GLRA1: variants seen among roughly 807,000 people sequenced by gnomAD.
GLRA1 encodes glycine receptor subunit alpha-1.
A neutral mutation model predicts 48.3 loss-of-function variants in GLRA1; 37 were observed. That is an observed-to-expected ratio of 0.77 (90% CI 0.59 to 1.01). The LOEUF (loss-of-function observed/expected upper bound fraction) is 1.01, where lower values mean the gene tolerates loss of function less well. GLRA1 is among the 50% of genes least tolerant of loss of function. The pLI, the probability that GLRA1 is intolerant of heterozygous loss-of-function variation, is 0.00. For synonymous variants in GLRA1, 196 were observed against 210.7 expected, an observed-to-expected ratio of 0.93 and a Z score of 0.60; for missense variants, 427 against 571.0, an observed-to-expected ratio of 0.75 and a Z score of 2.57.
chr5:151,911,282 A>G lies in GLRA1; in HGVS notation c.56+13212T>C, dbSNP rs114233563. On this transcript the variant is annotated intron_variant, in intron 1 of 8. Coordinates refer to ENST00000274576, the MANE Select transcript of GLRA1 (RefSeq NM_000171.4). Reference sequence around the variant, plus strand: ...ATGTGAAATGTCTTCAATTTATACCATCTCCCACCTCCAGACAGAGTTAAT... The same window carrying G: ...ATGTGAAATGTCTTCAATTTATACCGTCTCCCACCTCCAGACAGAGTTAAT... 8.3e-3 allele frequency among the ~76,000 whole-genome samples: 1,268 copies of G among 152,276 alleles called. 23 individuals are homozygous for G. The highest frequency in any genetic ancestry group is 0.029 in the African/African-American group (1,195 of 41,528).
chr5:151,885,191 A>G (rs963837348), intron 3 of GLRA1, among the ~76,000 whole-genome samples: 1 of 152,206 alleles, frequency 6.6e-6, no homozygotes, highest in African/African-American at 2.4e-5. Context: ...AATGCTTAGG[A>G]CCAAATACTG....
intron 7 of GLRA1, among the ~76,000 whole-genome samples, chr5:151,844,075 C>T (rs998538741): frequency 1.3e-5 from 2 of 151,800 alleles, no homozygotes; most frequent in Admixed American, 1.3e-4. Flanking sequence ...GAGGCTGAGG[C>T]AGAAGAATCG....
chr5:151,883,981 G>T (rs1753832108), intron 3 of GLRA1, among the ~76,000 whole-genome samples: 2 of 151,986 alleles, frequency 1.3e-5, no homozygotes, highest in South Asian at 4.1e-4. Context: ...GAGGAGAGGA[G>T]GAATAAACCA....
At chr5:151,877,363 A>G (rs1581637566) in intron 3 of GLRA1, among the ~76,000 whole-genome samples, 1 of 152,224 alleles carries the variant, frequency 6.6e-6, no homozygotes, top group Admixed American at 6.5e-5. Flanking sequence ...AGGAAAGCCT[A>G]GCTTATAGGA....
intron 8 of GLRA1, among the ~76,000 whole-genome samples, chr5:151,824,242 C>T (rs1040407413): frequency 5.3e-5 from 8 of 151,750 alleles, no homozygotes; most frequent in Non-Finnish European, 1.2e-4. Context: ...CGAGATCCTC[C>T]TGCCTCGGCT....
intron 7 of GLRA1, chr5:151,850,635 C>T: frequency 6.9e-7 from 1 of 1,445,880 alleles, no homozygotes; most frequent in Non-Finnish European, 9.7e-7. Context: ...AATCGTAGTG[C>T]CAACATACAC....
intron 1 of GLRA1, among the ~76,000 whole-genome samples, chr5:151,895,625 C>CTCTGTG (rs1377789151): frequency 6.8e-6 from 1 of 146,592 alleles, no homozygotes; most frequent in South Asian, 2.2e-4. Flanking sequence ...GTGTGTGTGT[C>CTCTGTG]TGTGTGTGTG....
intron 7 of GLRA1, among the ~76,000 whole-genome samples, chr5:151,831,077 C>G (rs1441241212): frequency 6.6e-6 from 1 of 152,182 alleles, no homozygotes; most frequent in Non-Finnish European, 1.5e-5. Flanking sequence ...CCAAGGGAAG[C>G]CCTGAGGGGC....
intron 1 of GLRA1, among the ~76,000 whole-genome samples, chr5:151,900,091 G>GC (rs142599673): frequency 2.0e-5 from 3 of 152,234 alleles, no homozygotes; most frequent in Non-Finnish European, 4.4e-5. Context: ...CCTCTGGATA[G>GC]CCTTCCATCC....
At chr5:151,853,210 C>T (rs1752953293) in intron 6 of GLRA1, among the ~76,000 whole-genome samples, 1 of 152,042 alleles carries the variant, frequency 6.6e-6, no homozygotes, top group African/African-American at 2.4e-5. Context: ...GTCCTGTGTG[C>T]TTGAAATTTG....
At chr5:151,864,882 A>G (rs1753291974) in intron 3 of GLRA1, among the ~76,000 whole-genome samples, 1 of 152,182 alleles carries the variant, frequency 6.6e-6, no homozygotes, top group Admixed American at 6.5e-5. Context: ...AAGAGGAGGT[A>G]AAGTCAGAAA....
chr5:151,828,327 C>G (rs996061787), intron 8 of GLRA1, among the ~76,000 whole-genome samples: 2 of 152,152 alleles, frequency 1.3e-5, no homozygotes, highest in African/African-American at 4.8e-5. Flanking sequence ...GCTGCATGCT[C>G]CCCATTGGCA....
intron 7 of GLRA1, among the ~76,000 whole-genome samples, chr5:151,833,816 G>A (rs199972228): frequency 1.7e-3 from 113 of 67,128 alleles, no homozygotes; most frequent in African/African-American, 2.2e-3. Context: ...AAAAAAAAAA[G>A]CAGGGGTTGC....
At chr5:151,852,853 A>G (rs1752946582) in intron 6 of GLRA1, among the ~76,000 whole-genome samples, 2 of 152,258 alleles carry the variant, frequency 1.3e-5, no homozygotes, top group African/African-American at 4.8e-5. Context: ...TTGCTGGACC[A>G]TGATATATTT....
chr5:151,870,482 A>G (rs575449314), intron 3 of GLRA1, among the ~76,000 whole-genome samples: 1 of 150,026 alleles, frequency 6.7e-6, no homozygotes, highest in South Asian at 2.1e-4. Context: ...GAGGCCTGGC[A>G]TCAATCTGAA....
chr5:151,870,831 T>C (rs747246043), intron 3 of GLRA1, among the ~76,000 whole-genome samples: 13 of 149,824 alleles, frequency 8.7e-5, no homozygotes, highest in Non-Finnish European at 1.8e-4. Flanking sequence ...ATTCCAGTTA[T>C]GTTAAAAGCA....
chr5:151,875,553 G>A (rs535550387), intron 3 of GLRA1: 1 of 152,188 alleles, frequency 6.6e-6, no homozygotes, highest in Admixed American at 6.5e-5. Flanking sequence ...CAAAATGATG[G>A]ATGACCAAGG....
intron 3 of GLRA1, among the ~76,000 whole-genome samples, chr5:151,863,895 T>A (rs1351614040): frequency 6.6e-6 from 1 of 152,180 alleles, no homozygotes; most frequent in East Asian, 1.9e-4. Context: ...TCCAAGATAT[T>A]TTATAGGATT....
At chr5:151,844,621 C>CAAAAAAAAAAAAAAAAAAAAAA (rs202218874) in intron 7 of GLRA1, among the ~76,000 whole-genome samples, 11 of 49,736 alleles carry the variant, frequency 2.2e-4, no homozygotes, top group East Asian at 6.1e-4. Flanking sequence ...TACTCTATCT[C>CAAAAAAAAAAAAAAAAAAAAAA]AAAAAAAAAA....
Sources: gnomAD v4.1 joint callset for allele counts (sites outside exome capture counted in the v4.1 genomes callset) on GRCh38, gnomAD v4.1.1 for gene constraint, MANE v1.5 for transcripts, NCBI Gene and HGNC (gene_info 2026-07-23, HGNC 2026-07-21) for gene names.